NRG3: variants seen among roughly 807,000 people sequenced by gnomAD.
NRG3 encodes pro-neuregulin-3, membrane-bound isoform.
A neutral mutation model predicts 66.9 loss-of-function variants in NRG3; 31 were observed. The ratio of observed to expected loss-of-function variants is 0.46; its 90% CI spans 0.35 to 0.63. NRG3 has a LOEUF of 0.63. Ranked by LOEUF, NRG3 falls within the 20% of genes least tolerant of loss-of-function variation. The pLI is 0.00. For synonymous variants in NRG3, 393 were observed against 359.4 expected, an observed-to-expected ratio of 1.09 and a Z score of -1.06; for missense variants, 910 against 878.9, an observed-to-expected ratio of 1.04 and a Z score of -0.45.
At chr10:82,571,794 C>T (rs950604331) in intron 2 of NRG3, among the ~76,000 whole-genome samples, 2 of 151,286 alleles carry the variant, frequency 1.3e-5, no homozygotes, top group African/African-American at 4.8e-5. Context: ...TACAAAAAGC[C>T]CATGGTGAAT....
chr10:82,140,318 G>A (rs1017370877), intron 1 of NRG3, among the ~76,000 whole-genome samples: 1 of 152,062 alleles, frequency 6.6e-6, no homozygotes, highest in African/African-American at 2.4e-5. Flanking sequence ...CTCTAGAAAA[G>A]TCTCTAAACA....
chr10:81,961,452 T>C (rs1008029246), intron 1 of NRG3, among the ~76,000 whole-genome samples: 2 of 140,394 alleles, frequency 1.4e-5, no homozygotes, highest in Admixed American at 7.5e-5. Context: ...GGCTCTAGCA[T>C]AGAATATTTG....
intron 3 of NRG3, among the ~76,000 whole-genome samples, chr10:82,819,034 A>G (rs571600548): frequency 1.3e-5 from 2 of 152,370 alleles, no homozygotes; most frequent in Non-Finnish European, 2.9e-5. Context: ...CTAAGTAATC[A>G]TGATGATGCC....
chr10:81,882,345 T>G (rs10883862), intron 1 of NRG3, among the ~76,000 whole-genome samples: 19,284 of 152,128 alleles, frequency 0.13, 1,272 homozygotes, highest in South Asian at 0.18. Context: ...GTATTAGAAA[T>G]GAGAGTCAGT....
At chr10:82,654,376 A>T (rs1213612412) in intron 2 of NRG3, among the ~76,000 whole-genome samples, 1 of 152,222 alleles carries the variant, frequency 6.6e-6, no homozygotes, top group East Asian at 1.9e-4. Context: ...TCATTTTCCA[A>T]TAAAATGAGC....
At chr10:82,307,976 A>G (rs1256424570) in intron 1 of NRG3, among the ~76,000 whole-genome samples, 10 of 152,008 alleles carry the variant, frequency 6.6e-5, no homozygotes. Context: ...TTATATCAGT[A>G]TTTCTCACTT....
At chr10:82,342,509 C>A (rs1027831645) in intron 1 of NRG3, among the ~76,000 whole-genome samples, 7 of 152,090 alleles carry the variant, frequency 4.6e-5, no homozygotes, top group African/African-American at 1.7e-4. Context: ...TTGCATTTAT[C>A]TGATGATTAA....
At chr10:82,434,389 C>T (rs977848266) in intron 2 of NRG3, among the ~76,000 whole-genome samples, 16 of 151,864 alleles carry the variant, frequency 1.1e-4, no homozygotes, top group South Asian at 2.1e-4. Flanking sequence ...TCATGTTGTC[C>T]GCAAACAGGG....
Position 82,957,650 on chromosome 10 carries a change from G to A in NRG3, c.1158-1299G>A, listed in dbSNP as rs1192548314. Among the ~76,000 whole-genome samples, 4 of 151,840 alleles carry A rather than the reference G, an allele frequency of 2.6e-5. No individual in the cohort carries two copies. The East Asian group carries it at 7.7e-4, about 29-fold the overall frequency. On this transcript the variant is annotated intron_variant, in intron 5 of 8. Coordinates refer to ENST00000372141, the MANE Select transcript of NRG3 (RefSeq NM_001010848.4). ...GCCTTACATGCACGAAAATAGTTCT[G>A]CAAGGACATATGCCCAGCAACTTCC...
intron 3 of NRG3, among the ~76,000 whole-genome samples, chr10:82,789,299 C>G (rs1217447400): frequency 6.6e-6 from 1 of 152,028 alleles, no homozygotes; most frequent in East Asian, 1.9e-4. Flanking sequence ...TTCTATGGAG[C>G]AATAGCTATT....
intron 2 of NRG3, among the ~76,000 whole-genome samples, chr10:82,645,010 CA>C (rs1271075841): frequency 6.6e-6 from 1 of 152,118 alleles, no homozygotes; most frequent in Non-Finnish European, 1.5e-5. Flanking sequence ...ACAAAATAAT[CA>C]ATAATTTGCT....
intron 1 of NRG3, among the ~76,000 whole-genome samples, chr10:82,311,500 G>T (rs2081024149): frequency 6.6e-6 from 1 of 151,812 alleles, no homozygotes; most frequent in Non-Finnish European, 1.5e-5. Context: ...CTGAAATCTG[G>T]GTATATTTAT....
At chr10:81,886,878 T>C (rs1037769551) in intron 1 of NRG3, among the ~76,000 whole-genome samples, 2 of 152,180 alleles carry the variant, frequency 1.3e-5, no homozygotes, top group Non-Finnish European at 2.9e-5. Flanking sequence ...ATTTAATATA[T>C]AGTAACTGTA....
chr10:82,448,785 T>C (rs919952966), intron 2 of NRG3, among the ~76,000 whole-genome samples: 9 of 152,334 alleles, frequency 5.9e-5, no homozygotes, highest in South Asian at 2.1e-4. Flanking sequence ...TATTCATGTT[T>C]ATATATTCAT....
intron 1 of NRG3, among the ~76,000 whole-genome samples, chr10:82,074,034 G>A (rs574259688): frequency 6.6e-6 from 1 of 151,820 alleles, no homozygotes; most frequent in South Asian, 2.1e-4. Context: ...AATATGAAAA[G>A]AGAGATACAG....
chr10:82,182,633 T>G (rs1336410435), intron 1 of NRG3, among the ~76,000 whole-genome samples: 2 of 151,968 alleles, frequency 1.3e-5, no homozygotes, highest in Non-Finnish European at 2.9e-5. Flanking sequence ...CTTTTGTCTT[T>G]CAACTTCTAA....
intron 1 of NRG3, among the ~76,000 whole-genome samples, chr10:82,088,091 G>A (rs1419210684): frequency 6.6e-6 from 1 of 152,088 alleles, no homozygotes. Flanking sequence ...ATTACATGGT[G>A]CATTCTACTT....
chr10:81,886,550 A>G (rs1253541594), intron 1 of NRG3, among the ~76,000 whole-genome samples: 2 of 152,172 alleles, frequency 1.3e-5, no homozygotes, highest in African/African-American at 4.8e-5. Flanking sequence ...TTATTCCACA[A>G]TAAACTAAAC....
chr10:82,423,427 G>T (rs2089213719), intron 2 of NRG3, among the ~76,000 whole-genome samples: 1 of 151,946 alleles, frequency 6.6e-6, no homozygotes, highest in Admixed American at 6.6e-5. Flanking sequence ...ATGCAATCTT[G>T]CTATCTTTGG....
Sources: allele counts gnomAD v4.1 joint callset (sites outside exome capture counted in the v4.1 genomes callset), GRCh38; gene constraint gnomAD v4.1.1; transcripts MANE v1.5; gene names NCBI Gene and HGNC (gene_info 2026-07-23, HGNC 2026-07-21).